The following PTK2 variants were observed in gnomAD, a reference collection of about 807,000 sequenced individuals.
PTK2 encodes focal adhesion kinase 1.
Under a neutral mutation model 150.1 loss-of-function variants are expected in PTK2, and 45 were observed. That is an observed-to-expected ratio of 0.30 (90% CI 0.24 to 0.38). The LOEUF is 0.38. PTK2 is among the 10% of genes least tolerant of loss of function. PTK2 has a pLI of 1.00. For synonymous variants in PTK2, 432 were observed against 449.2 expected (o/e 0.96, Z 0.48); for missense variants, 919 against 1,307.3 (o/e 0.70, Z 4.58).
At chr8:140,883,241 T>A (rs1362331102) in intron 3 of PTK2, among the ~76,000 whole-genome samples, 1 of 152,184 alleles carries the variant, frequency 6.6e-6, no homozygotes, top group Non-Finnish European at 1.5e-5. Flanking sequence ...ACATGCATGA[T>A]GCTAGTGACA....
rs34459077 is a variant in PTK2 at position 140,697,416 on chromosome 8, T to TTGTGTGTGTGTGTGTGTGTGTGTG, written c.2499+3451_2499+3474dup. ...CTACAGGAAGTTCTTAGAATACGGT[T>TTGTGTGTGTGTGTGTGTGTGTGTG]TGTGTGTGTGTGTGTGTGTGTGTGT... On this transcript the variant is annotated intron_variant, in intron 26 of 31. Coordinates refer to ENST00000522684, the Ensembl canonical transcript of PTK2. Among the ~76,000 whole-genome samples the TTGTGTGTGTGTGTGTGTGTGTGTG allele has an allele frequency of 3.0e-4, 44 of 145,814 alleles. 1 individual carries two copies. The highest frequency in any genetic ancestry group is 1.1e-3 in the African/African-American group (43 of 39,588).
rs1343192975 is a variant in PTK2 at position 140,825,946 on chromosome 8, T to C, written c.648+4526A>G. On this transcript the variant is annotated intron_variant, in intron 8 of 31. Coordinates refer to ENST00000522684, the Ensembl canonical transcript of PTK2. ...CGGAAATTAAAATACTTGCAAATTA[T>C]TCTTAGTAATTGAGGCACATATATC... Among the ~76,000 whole-genome samples, 3 of 152,372 alleles carry C rather than the reference T, an allele frequency of 2.0e-5. No homozygotes were observed. The East Asian group carries it at 5.8e-4, about 29-fold the overall frequency.
chr8:140,983,056 C>G (rs951061395), intron 1 of PTK2, among the ~76,000 whole-genome samples: 2 of 152,140 alleles, frequency 1.3e-5, no homozygotes, highest in Admixed American at 1.3e-4. Flanking sequence ...ATCATCCTTA[C>G]TAGTGGCAAC....
chr8:140,669,836 A>T, intron 29 of PTK2, 101 bp from the exon 33 acceptor site: 1 of 1,309,102 alleles, frequency 7.6e-7, no homozygotes, highest in South Asian at 1.3e-5. Context: ...ATCCCCCATA[A>T]AAACACATGA....
chr8:140,990,043 G>A (rs145562840), intron 1 of PTK2, among the ~76,000 whole-genome samples: 3 of 152,232 alleles, frequency 2.0e-5, no homozygotes, highest in Non-Finnish European at 4.4e-5. Flanking sequence ...AGAGGAAACA[G>A]TGCTGAAGTA....
chr8:140,688,091 C>A (rs1174861094), intron 26 of PTK2, among the ~76,000 whole-genome samples: 6 of 152,156 alleles, frequency 3.9e-5, no homozygotes, highest in African/African-American at 1.4e-4. Context: ...GAATTTAGGG[C>A]AGATTTTGGA....
At chr8:140,663,947 C>T (rs569086432) in intron 31 of PTK2, among the ~76,000 whole-genome samples, 1 of 152,246 alleles carries the variant, frequency 6.6e-6, no homozygotes, top group East Asian at 1.9e-4. Flanking sequence ...AGCCACCACA[C>T]TCAGCCCTTA....
At chr8:140,676,946 A>G (rs2153454997) in intron 27 of PTK2, among the ~76,000 whole-genome samples, 1 of 129,300 alleles carries the variant, frequency 7.7e-6, no homozygotes, top group Non-Finnish European at 1.5e-5. Flanking sequence ...TCCATCTCAA[A>G]AAAAAAAAAA....
chr8:140,749,890 G>T (rs1003090397), intron 17 of PTK2, among the ~76,000 whole-genome samples: 3 of 152,134 alleles, frequency 2.0e-5, no homozygotes, highest in African/African-American at 7.2e-5. Context: ...ACTGATTTTT[G>T]TAATGACAAT....
In PTK2 at chr8:140,749,998, CAAGAATACCAGCAA is replaced by C. The variant is rs564063424; in HGVS notation, c.1417+2220_1417+2233del. Among the ~76,000 whole-genome samples, 16 of 152,216 alleles carry C rather than the reference CAAGAATACCAGCAA, an allele frequency of 1.1e-4. No individual in the cohort carries two copies. The South Asian group carries it at 3.1e-3, about 30-fold the overall frequency. ...TTCATTTTTGAAAATATAAAATGCA[CAAGAATACCAGCAA>C]AGGTAAGGCAGATATGGTGTTGGGT... On this transcript the variant is annotated intron_variant, in intron 17 of 31. Transcript: ENST00000522684.
intron 23 of PTK2, 120 bp downstream of exon 26, chr8:140,717,478 A>G (rs2100040380): frequency 2.7e-6 from 2 of 742,242 alleles, no homozygotes; most frequent in East Asian, 5.3e-5. Context: ...TTGGTGTTAT[A>G]ACTATTACTC....
At chr8:140,809,489 C>G (rs1426511496) in intron 10 of PTK2, among the ~76,000 whole-genome samples, 1 of 152,136 alleles carries the variant, frequency 6.6e-6, no homozygotes, top group African/African-American at 2.4e-5. Flanking sequence ...AAAGCCGACA[C>G]AAGTGGAAAA....
chr8:140,907,583 CAA>C (rs2100161479), intron 2 of PTK2, among the ~76,000 whole-genome samples: 1 of 152,032 alleles, frequency 6.6e-6, no homozygotes, highest in African/African-American at 2.4e-5. Flanking sequence ...CAACAAAAAA[CAA>C]AGGGTTTGTG....
At chr8:140,677,700 C>T (rs2100014716) in intron 27 of PTK2, among the ~76,000 whole-genome samples, 1 of 152,208 alleles carries the variant, frequency 6.6e-6, no homozygotes, top group Non-Finnish European at 1.5e-5. Flanking sequence ...TGTCATTTAA[C>T]ACCTCTGATT....
intron 20 of PTK2, among the ~76,000 whole-genome samples, chr8:140,739,828 G>T (rs898445655): frequency 1.3e-5 from 2 of 152,230 alleles, no homozygotes; most frequent in African/African-American, 4.8e-5. Context: ...GCTGCGACAG[G>T]AGGGAGAGAC....
At chr8:140,681,403 G>A (rs1316940884) in intron 27 of PTK2, among the ~76,000 whole-genome samples, 12 of 150,662 alleles carry the variant, frequency 8.0e-5, no homozygotes, top group Admixed American at 5.3e-4. Context: ...CTAACATCAC[G>A]CCCTGAGGAA....
chr8:140,788,212 A>G (rs2100086138), intron 14 of PTK2, among the ~76,000 whole-genome samples: 1 of 152,194 alleles, frequency 6.6e-6, no homozygotes, highest in Admixed American at 6.5e-5. Context: ...CAGCTCTAGC[A>G]TTCCAACCTT....
chr8:140,699,979 T>C (rs1450021074), intron 26 of PTK2, among the ~76,000 whole-genome samples: 1 of 152,190 alleles, frequency 6.6e-6, no homozygotes, highest in Non-Finnish European at 1.5e-5. Context: ...TTTTTTATGT[T>C]TGAAACAAAC....
At chr8:140,802,423 TG>T (rs1391408816) in intron 11 of PTK2, among the ~76,000 whole-genome samples, 3 of 152,188 alleles carry the variant, frequency 2.0e-5, no homozygotes, top group Admixed American at 6.5e-5. Flanking sequence ...TAAAATTAAT[TG>T]TTATTACAAG....
Sources: gnomAD v4.1 joint callset for allele counts (sites outside exome capture counted in the v4.1 genomes callset) on GRCh38, gnomAD v4.1.1 for gene constraint, MANE v1.5 for transcripts, NCBI Gene and HGNC (gene_info 2026-07-23, HGNC 2026-07-21) for gene names.